The following IFI16 variants were observed in gnomAD, a reference collection of about 807,000 sequenced individuals.
IFI16 encodes the protein interferon gamma inducible protein 16, also known as gamma-interferon-inducible protein 16.
A neutral mutation model predicts 68.4 loss-of-function variants in IFI16; 49 were observed. That is an observed-to-expected ratio of 0.72 (90% CI 0.57 to 0.91). IFI16 has a LOEUF of 0.91. Ranked by LOEUF, IFI16 falls within the 40% of genes least tolerant of loss-of-function variation. The pLI is 0.00. For missense variants in IFI16, 878 were observed against 942.9 expected, an observed-to-expected ratio of 0.93 and a Z score of 0.90; for synonymous variants, 307 against 315.0, an observed-to-expected ratio of 0.97 and a Z score of 0.27.
chr1:159,035,503 C>T (rs1402150581), intron 7 of IFI16, among the ~76,000 whole-genome samples: 1 of 152,220 alleles, frequency 6.6e-6, no homozygotes, highest in Non-Finnish European at 1.5e-5. Context: ...ATGTGAACTT[C>T]CCTGGAGCAC....
rs758881093 is a variant in IFI16 at position 159,018,382 on chromosome 1, A to T, written c.703A>T (p.Thr235Ser). The T allele has an allele frequency of 3.1e-6, 5 of 1,614,070 alleles. No homozygotes were observed. In the African/African-American group the frequency reaches 6.7e-5, roughly 22 times the overall value. Residue 235 changes from threonine to serine, a missense_variant, in exon 5 of 12, where the codon ACA becomes TCA. Coordinates refer to ENST00000295809, the MANE Select transcript of IFI16 (RefSeq NM_001376587.1). ...AATAATGTTTCATGCTACAGTGGCT[A>T]CACAGACACAGTTCTTCCATGTGAA... ...KKIMFHATVA[T>S]QTQFFHVKVL...
chr1:159,025,060 G>A (rs1653568254), intron 6 of IFI16, among the ~76,000 whole-genome samples: 1 of 152,018 alleles, frequency 6.6e-6, no homozygotes. Flanking sequence ...TGGTGTACTG[G>A]AAATTCTAGG....
At position 159,016,648 on chromosome 1, in the gene IFI16, C is replaced by G. The variant is rs748566692; in HGVS notation, c.497C>G (p.Ser166Cys). 6.2e-7 allele frequency: 1 copy of G among 1,614,144 alleles called. No homozygotes were observed. The highest frequency in any genetic ancestry group is 8.5e-7 in the Non-Finnish European group (1 of 1,179,994). Reference sequence around the variant, plus strand: ...GGCATGTCCACAGCCATGGGCCGTTCCCCATCTCCCAAGACCTCATTGTCA... The same window carrying G: ...GGCATGTCCACAGCCATGGGCCGTTGCCCATCTCCCAAGACCTCATTGTCA... ...GAGMSTAMGR[S>C]PSPKTSLSAP... The change falls in exon 4 of 12, where the codon TCC becomes TGC. Residue 166 changes from serine (S) to cysteine (C), a missense_variant. This residue lies in a region of IFI16 where 443 missense variants were observed against 421.8 expected (regional missense o/e 1.05). Transcript: ENST00000295809.
At chr1:159,040,149 G>A (rs2101894982) in intron 7 of IFI16, among the ~76,000 whole-genome samples, 1 of 152,248 alleles carries the variant, frequency 6.6e-6, no homozygotes, top group East Asian at 1.9e-4. Flanking sequence ...GGTAAATTAG[G>A]GAACATGATG....
At chr1:159,029,953 A>G (rs891769682) in intron 6 of IFI16, among the ~76,000 whole-genome samples, 11 of 82,444 alleles carry the variant, frequency 1.3e-4, no homozygotes, top group African/African-American at 1.2e-3. Context: ...AAGTGCTGGG[A>G]TTACAGGCAT....
In IFI16 at chr1:159,012,931, T is replaced by A. The variant is rs1312651725; in HGVS notation, c.-20-1730T>A. 2.6e-5 allele frequency among the ~76,000 whole-genome samples: 4 copies of A among 152,334 alleles called. No individual in the cohort carries two copies. In the South Asian group the frequency reaches 8.3e-4, roughly 32 times the overall value. On this transcript the variant is annotated intron_variant, in intron 1 of 11. Transcript: ENST00000295809. The stretch of plus-strand genomic sequence containing the variant: ...TTGATATGGAACTTTGGACCAACAT[T>A]ATATAAAAATAACTCCATTGTCCTG...
At chr1:159,024,630 G>A (rs755841720) in intron 6 of IFI16, among the ~76,000 whole-genome samples, 4 of 152,128 alleles carry the variant, frequency 2.6e-5, no homozygotes, top group African/African-American at 9.7e-5. Context: ...TGAGTGCTAC[G>A]GGTAATTGTG....
Position 159,033,451 on chromosome 1 carries a change from A to G in IFI16, c.1329+760A>G, listed in dbSNP as rs146344728. On this transcript the variant is annotated intron_variant, in intron 7 of 11. Transcript: ENST00000295809. ...GCTTAGAACATGGAACAACAATGAC[A>G]ATAATTATATTTCCACTTTTTGAGC... is the stretch of plus-strand genomic sequence containing the variant. 1.4e-4 allele frequency among the ~76,000 whole-genome samples: 21 copies of G among 152,336 alleles called. No individual in the cohort carries two copies. In the East Asian group the frequency reaches 2.9e-3, roughly 21 times the overall value.
rs182480735 is a variant in IFI16 at position 159,047,060 on chromosome 1, G to A, written c.1497+1596G>A. Among the ~76,000 whole-genome samples, 16 of 151,130 alleles carry A rather than the reference G, an allele frequency of 1.1e-4. 1 individual carries two copies. The highest frequency in any genetic ancestry group is 2.2e-4 in the African/African-American group (9 of 41,342). On this transcript the variant is annotated intron_variant, in intron 8 of 11. Coordinates refer to ENST00000295809, the MANE Select transcript of IFI16 (RefSeq NM_001376587.1). Reference sequence around the variant, plus strand: ...GCGCTATGGGGCCTACACCCAAGACGAATGGGCAGGGAAGGTATGGGCAGG... The same window carrying A: ...GCGCTATGGGGCCTACACCCAAGACAAATGGGCAGGGAAGGTATGGGCAGG...
At chr1:159,050,475 A>C (rs1002279546) in intron 9 of IFI16, among the ~76,000 whole-genome samples, 3 of 152,118 alleles carry the variant, frequency 2.0e-5, no homozygotes, top group Admixed American at 6.5e-5. Flanking sequence ...TGGGTTTCCT[A>C]ATGTTATGGA....
At position 159,000,343 on chromosome 1, in the gene IFI16, A is replaced by G. The variant is rs76812070; in HGVS notation, c.-232A>G. 8.5e-3 allele frequency: 1,889 copies of G among 222,028 alleles called. 34 individuals carry two copies. Among genetic ancestry groups the G allele is most frequent in the African/African-American group, 0.041 (1,763 of 43,504 alleles). 13.8% of individuals were successfully genotyped at this position (222,028 alleles called of 1,614,324 possible). ...GACTTTTCAGCTTATAAGGGATCCA[A>G]ACTATGTAAGATTATACCACCAAAA... On this transcript the variant is annotated 5_prime_UTR_variant, in exon 1 of 3. Coordinates refer to the IFI16 transcript ENST00000566111.
chr1:159,032,595 T>G lies in IFI16; in HGVS notation c.1233T>G (p.Leu411=). The change falls in exon 7 of 12, where the codon CTT becomes CTG. Residue 411 remains leucine (L), a synonymous_variant. Coordinates refer to ENST00000295809, the MANE Select transcript of IFI16 (RefSeq NM_001376587.1). ...SMKLPQEQRQ[L]PYPSEASTTF... ...AGCTACCCCAGGAACAGCGTCAGCTTCCATATCCTTCAGAGGCCAGCACAA... is the reference window on the plus strand; with the variant it reads ...AGCTACCCCAGGAACAGCGTCAGCTGCCATATCCTTCAGAGGCCAGCACAA... 1 of 1,612,216 alleles carries G rather than the reference T, an allele frequency of 6.2e-7. No homozygotes were observed.
intron 3 of IFI16, among the ~76,000 whole-genome samples, chr1:159,016,191 T>C (rs1375850447): frequency 6.6e-6 from 1 of 152,216 alleles, no homozygotes; most frequent in Non-Finnish European, 1.5e-5. Context: ...TAAATATATA[T>C]AACATAAATG....
chr1:159,022,356 T>C (rs1483845665), intron 6 of IFI16, among the ~76,000 whole-genome samples: 1 of 152,236 alleles, frequency 6.6e-6, no homozygotes, highest in Non-Finnish European at 1.5e-5. Context: ...TTTAATTTTT[T>C]CAGCAAGGCC....
intron 1 of IFI16, among the ~76,000 whole-genome samples, chr1:159,011,488 T>C (rs1233344984): frequency 6.6e-6 from 1 of 152,056 alleles, no homozygotes; most frequent in Non-Finnish European, 1.5e-5. Context: ...TATATAATCA[T>C]GTATACAAAC....
At chr1:159,050,612 T>TC (rs1397360270) in intron 9 of IFI16, among the ~76,000 whole-genome samples, 3 of 152,170 alleles carry the variant, frequency 2.0e-5, no homozygotes, top group Admixed American at 6.5e-5. Context: ...CCGTCCTGCC[T>TC]CCATGTTCTG....
chr1:159,042,994 A>G (rs1015108203), intron 7 of IFI16, among the ~76,000 whole-genome samples: 17 of 152,306 alleles, frequency 1.1e-4, no homozygotes, highest in African/African-American at 2.6e-4. Context: ...ATTCTCCAAT[A>G]TCATTTCTCA....
chr1:159,017,639 G>T (rs570193041), intron 4 of IFI16, among the ~76,000 whole-genome samples: 1 of 151,468 alleles, frequency 6.6e-6, no homozygotes, highest in African/African-American at 2.4e-5. Context: ...ACAGAGTCTC[G>T]CTCTGTCACC....
chr1:159,035,613 TTGTC>T (rs1196450093), intron 7 of IFI16, among the ~76,000 whole-genome samples: 7 of 131,590 alleles, frequency 5.3e-5, no homozygotes, highest in Non-Finnish European at 6.4e-5. Context: ...GTAAATACAG[TTGTC>T]TGTCTAACTA....
Sources: allele counts gnomAD v4.1 joint callset (sites outside exome capture counted in the v4.1 genomes callset), GRCh38; gene constraint gnomAD v4.1.1; regional missense constraint gnomAD v4.1.1; transcripts MANE v1.5; gene names NCBI Gene and HGNC (gene_info 2026-07-23, HGNC 2026-07-21).